Variants in ZDHHC4 observed in about 807,000 individuals in gnomAD.
ZDHHC4 encodes palmitoyltransferase ZDHHC4.
A neutral mutation model predicts 36.7 loss-of-function variants in ZDHHC4; 42 were observed. The ratio of observed to expected loss-of-function variants is 1.14; its 90% confidence interval spans 0.89 to 1.48. ZDHHC4 has a LOEUF of 1.48. Ranked by LOEUF, ZDHHC4 falls within the 40% of genes most tolerant of loss-of-function variation. The pLI is 0.00. For synonymous variants in ZDHHC4, 189 were observed against 166.6 expected, an observed-to-expected ratio of 1.13 and a Z score of -1.03; for missense variants, 457 against 421.5, an observed-to-expected ratio of 1.08 and a Z score of -0.74.
rs768123562 is a variant in ZDHHC4, at chr7:6,582,022, A to G, written c.192-51A>G. ...TGGTTACTTTCTTTAGTATCATACA[A>G]TTTCTTCAAGAAGAAACCCCCATGA... is the stretch of plus-strand genomic sequence containing the variant. On this transcript the variant is annotated intron_variant, in intron 4 of 7. Transcript: ENST00000335965. 1.5e-5 allele frequency: 23 copies of G among 1,564,836 alleles called. No individual in the cohort carries two copies. The South Asian group carries it at 1.9e-4, about 13-fold the overall frequency.
At chr7:6,583,611 T>C in intron 6 of ZDHHC4, 180 bp downstream of exon 6, 1 of 830,758 alleles carries the variant, frequency 1.2e-6, no homozygotes. Flanking sequence ...AGGTCTTGTG[T>C]TCCTGTGTAG....
intron 7 of ZDHHC4, among the ~76,000 whole-genome samples, chr7:6,586,080 G>A (rs1391014355): frequency 6.6e-6 from 1 of 151,954 alleles, no homozygotes; most frequent in African/African-American, 2.4e-5. Context: ...TTGAACCTGG[G>A]AGGCGGAGGT....
rs759278783 is a variant in ZDHHC4 at position 6,588,641 on chromosome 7, A to G, written c.766A>G (p.Ile256Val). ...GTACCTGTTCCTGACTTTTCCACGG[A>G]TTGTCTTCATGCTGGGCTTTGTCGT... ...IQYLFLTFPR[I>V]VFMLGFVVVL... Residue 256 changes from isoleucine to valine, a missense_variant, in exon 8 of 8, where the codon ATT (isoleucine) becomes GTT (valine). By Grantham distance (29) the Ile-to-Val change is conservative (BLOSUM62 3). Coordinates refer to ENST00000335965, the MANE Select transcript of ZDHHC4 (RefSeq NM_001134389.2). 2 of 1,613,868 alleles carry G rather than the reference A, an allele frequency of 1.2e-6. No homozygotes were observed. The highest frequency in any genetic ancestry group is 1.7e-5 in the Admixed American group (1 of 59,984).
At chr7:6,584,816 T>A (rs767467246) in intron 6 of ZDHHC4, 200 bp from the exon 7 acceptor site, 3 of 661,102 alleles carry the variant, frequency 4.5e-6, no homozygotes, top group Non-Finnish European at 7.5e-6. Flanking sequence ...GTAGTCAGAT[T>A]GCAAGTGCTC....
intron 7 of ZDHHC4, 73 bp downstream of exon 7, chr7:6,585,333 A>G (rs890437437): frequency 2.2e-5 from 35 of 1,564,124 alleles, no homozygotes; most frequent in African/African-American, 1.6e-4. Context: ...CAGTAAAAGC[A>G]TGAAGTTAGG....
At chr7:6,588,282 A>AT (rs1382201273) in intron 7 of ZDHHC4, among the ~76,000 whole-genome samples, 12 of 152,364 alleles carry the variant, frequency 7.9e-5, no homozygotes, top group African/African-American at 2.6e-4. Context: ...TAAGAAAGAC[A>AT]TTGATCTCTT....
rs187446501 is a variant in ZDHHC4 at position 6,589,136 on chromosome 7, A to T, written c.*226A>T. The T allele has an allele frequency of 1.9e-4, 106 of 549,052 alleles. No homozygotes were observed. The highest frequency in any genetic ancestry group is 1.9e-3 in the African/African-American group (102 of 52,946). 34.0% of individuals were successfully genotyped at this position (549,052 alleles called of 1,614,324 possible). On this transcript the variant is annotated 3_prime_UTR_variant, in exon 8 of 8. Coordinates refer to ENST00000335965, the MANE Select transcript of ZDHHC4 (RefSeq NM_001134389.2). ...CTGGTGTCAAGGGGATCAAGAGATGACTTCTCAGAGGTTCTAGGTGATGCT... is the reference window on the plus strand; with the variant it reads ...CTGGTGTCAAGGGGATCAAGAGATGTCTTCTCAGAGGTTCTAGGTGATGCT...
Position 6,583,188 on chromosome 7 carries a change from AAAG to A in ZDHHC4, c.371-115_371-113del, listed in dbSNP as rs1780984017. On this transcript the variant is annotated intron_variant, in intron 5 of 7. Coordinates refer to ENST00000335965, the MANE Select transcript of ZDHHC4 (RefSeq NM_001134389.2). Reference sequence around the variant, plus strand: ...AAGTAAGACTGTCTCAAAAAAAAAAAAAGAATTACTTACGATATTAAAGATAGC... The same window carrying A: ...AAGTAAGACTGTCTCAAAAAAAAAAAAATTACTTACGATATTAAAGATAGC... 2.4e-6 allele frequency: 3 copies of A among 1,228,442 alleles called. No individual in the cohort carries two copies. In the South Asian group the frequency reaches 4.0e-5, roughly 16 times the overall value. The allele number at this position is 1,228,442 out of a possible 1,614,324, so 76.1% of individuals were successfully genotyped here. A position where few individuals can be genotyped will look rare whatever the true frequency, so the allele number is the denominator to read the frequency against.
chr7:6,589,346 A>T lies in ZDHHC4; in HGVS notation c.*436A>T, dbSNP rs1015720670. 16 of 182,922 alleles carry T rather than the reference A, an allele frequency of 8.7e-5. No individual in the cohort carries two copies. The highest frequency in any genetic ancestry group is 8.0e-4 in the Admixed American group (15 of 18,684). The allele number at this position is 182,922 out of a possible 1,614,324, so 11.3% of individuals were successfully genotyped here. A position where few individuals can be genotyped will look rare whatever the true frequency, so the allele number is the denominator to read the frequency against. The stretch of plus-strand genomic sequence containing the variant: ...CAGGGGATTTTCATCTCAACAACAG[A>T]GTGTCCTCACCCAGGCCTGCCTTCC... On this transcript the variant is annotated 3_prime_UTR_variant, in exon 8 of 8. Transcript: ENST00000335965.
In ZDHHC4 at chr7:6,583,190, AG is replaced by A. The variant is rs1780984543; in HGVS notation, c.371-115del. 6 of 1,184,944 alleles carry A rather than the reference AG, an allele frequency of 5.1e-6. No individual in the cohort carries two copies. In the East Asian group the frequency reaches 1.0e-4, roughly 20 times the overall value. 73.4% of individuals were successfully genotyped at this position (1,184,944 alleles called of 1,614,324 possible). On this transcript the variant is annotated intron_variant, in intron 5 of 7. Coordinates refer to ENST00000335965, the MANE Select transcript of ZDHHC4 (RefSeq NM_001134389.2). ...GTAAGACTGTCTCAAAAAAAAAAAA[AG>A]AATTACTTACGATATTAAAGATAGC...
intron 3 of ZDHHC4, among the ~76,000 whole-genome samples, chr7:6,581,287 C>A (rs916089501): frequency 1.3e-5 from 2 of 152,212 alleles, no homozygotes; most frequent in African/African-American, 4.8e-5. Flanking sequence ...GATGCTGGAA[C>A]CTGGGATTGA....
chr7:6,582,059 C>T lies in ZDHHC4; in HGVS notation c.192-14C>T. The T allele has an allele frequency of 6.2e-7, 1 of 1,607,886 alleles. No individual in the cohort carries two copies. The highest frequency in any genetic ancestry group is 1.1e-5 in the South Asian group (1 of 90,716). On this transcript the variant is annotated splice_polypyrimidine_tract_variant and intron_variant, in intron 4 of 7. Transcript: ENST00000335965. ...AGAAACCCCCATGAACAAGCCATGC[C>T]TGTTTTCTTTCAGAAACCACACCTT...
chr7:6,588,257 G>T (rs957747734), intron 7 of ZDHHC4, among the ~76,000 whole-genome samples: 2 of 152,158 alleles, frequency 1.3e-5, no homozygotes, highest in African/African-American at 4.8e-5. Context: ...ATCTATTTTT[G>T]GGGTTGTATT....
intron 5 of ZDHHC4, 77 bp from the exon 6 acceptor site, chr7:6,583,229 G>A: frequency 6.7e-7 from 1 of 1,498,264 alleles, no homozygotes; most frequent in Non-Finnish European, 9.1e-7. Flanking sequence ...TTTCAGTTGT[G>A]TTTTATCAGG....
At position 6,588,783 on chromosome 7, in the gene ZDHHC4, T is replaced by A; in HGVS notation, c.908T>A (p.Leu303His). The stretch of plus-strand genomic sequence containing the variant: ...TGGGCCTGGTGCCAGCGTTGTCCCC[T>A]TGTGGCCTGGCCTCCGTCAGCAGAG... ...GDWAWCQRCP[L>H]VAWPPSAEPQ... Residue 303 changes from leucine (L) to histidine (H), a missense_variant, in exon 8 of 8, where the codon CTT becomes CAT. Leu to His is a moderately conservative substitution (Grantham distance 99). Transcript: ENST00000335965. 1 of 1,614,216 alleles carries A rather than the reference T, an allele frequency of 6.2e-7. No homozygotes were observed. The highest frequency in any genetic ancestry group is 8.5e-7 in the Non-Finnish European group (1 of 1,180,032).
chr7:6,583,625 A>AC, intron 6 of ZDHHC4, 194 bp downstream of exon 6: 1 of 681,676 alleles, frequency 1.5e-6, no homozygotes, highest in Non-Finnish European at 2.3e-6. Context: ...TGTGTAGTAG[A>AC]CAGTCCTCAT....
chr7:6,582,007 C>T (rs1373620741), intron 4 of ZDHHC4, 66 bp from the exon 5 acceptor site: 6 of 1,530,176 alleles, frequency 3.9e-6, no homozygotes, highest in Non-Finnish European at 5.3e-6. Context: ...TGGTTACTTT[C>T]TTTAGTATCA....
rs759113805 is a variant in ZDHHC4 at position 6,582,100 on chromosome 7, G to C, written c.219G>C (p.Leu73=). The C allele has an allele frequency of 1.2e-6, 2 of 1,613,828 alleles. No individual in the cohort carries two copies. Among genetic ancestry groups the C allele is most frequent in the Non-Finnish European group, 1.7e-6 (2 of 1,179,914 alleles). The change falls in exon 5 of 8, where the codon CTG becomes CTC. Residue 73 remains leucine, a synonymous_variant. Transcript: ENST00000335965. ...TRNHTFIVLH[L]VLQGMVYTEY... ...ACCACACCTTCATTGTCCTGCACCT[G>C]GTCTTGCAAGGGATGGTTTATACTG...
intron 3 of ZDHHC4, 55 bp from the exon 4 acceptor site, chr7:6,581,552 G>A: frequency 7.3e-7 from 1 of 1,368,788 alleles, no homozygotes; most frequent in Admixed American, 1.7e-5. Flanking sequence ...TGATTTGTTT[G>A]GGAGTGGAGG....
Sources: allele counts gnomAD v4.1 joint callset (sites outside exome capture counted in the v4.1 genomes callset), GRCh38; gene constraint gnomAD v4.1.1; transcripts MANE v1.5; gene names NCBI Gene and HGNC (gene_info 2026-07-23, HGNC 2026-07-21).